Variants in FAHD2A observed in about 807,000 individuals in gnomAD.
The protein encoded by FAHD2A is fumarylacetoacetate hydrolase domain containing 2A, also known as oxaloacetate tautomerase FAHD2A, mitochondrial.
FAHD2A carries 27 observed loss-of-function variants against 33.4 expected under a neutral mutation model. The ratio of observed to expected loss-of-function variants is 0.81; its 90% CI spans 0.60 to 1.11. The LOEUF (loss-of-function observed/expected upper bound fraction) is 1.11. FAHD2A is among the 50% of genes most tolerant of loss of function. The pLI, the probability that FAHD2A is intolerant of heterozygous loss-of-function variation, is 0.00. For missense variants in FAHD2A, 296 were observed against 395.0 expected (o/e 0.75, Z 2.12); for synonymous variants, 130 against 153.3 (o/e 0.85, Z 1.12).
Position 95,413,136 on chromosome 2 carries a change from T to G in FAHD2A, c.*179T>G, listed in dbSNP as rs527626799. On this transcript the variant is annotated 3_prime_UTR_variant, in exon 8 of 8. Coordinates refer to ENST00000233379, the MANE Select transcript of FAHD2A (RefSeq NM_016044.3). ...ATTCGTCAGGTCAAAGCAGCAGCTT[T>G]GCTTCTGCTGTTTGTCTTCTTTTGG... 138 of 1,110,756 alleles carry G rather than the reference T, an allele frequency of 1.2e-4. 1 individual carries two copies. The highest frequency in any genetic ancestry group is 3.3e-4 in the Admixed American group (12 of 36,462). 68.8% of individuals were successfully genotyped at this position (1,110,756 alleles called of 1,614,324 possible). A position where few individuals can be genotyped will look rare whatever the true frequency, so the allele number is the denominator to read the frequency against.
Position 95,414,335 on chromosome 2 carries a change from T to C in FAHD2A, c.*1378T>C. ...GAAAAAGAAGACATCAAAAAGAAAA[T>C]CTAGTGCTGGGTGGATATAGAGTAT... On this transcript the variant is annotated 3_prime_UTR_variant, in exon 8 of 8. Coordinates refer to ENST00000233379, the MANE Select transcript of FAHD2A (RefSeq NM_016044.3). 1 of 837,474 alleles carries C rather than the reference T, an allele frequency of 1.2e-6. No homozygotes were observed. The highest frequency in any genetic ancestry group is 2.0e-6 in the Non-Finnish European group (1 of 491,226). The allele number at this position is 837,474 out of a possible 1,614,324, so 51.9% of individuals were successfully genotyped here.
In FAHD2A at chr2:95,405,574, A is replaced by G. The variant is rs1316523321; in HGVS notation, c.16A>G (p.Arg6Gly). The change falls in exon 2 of 8, where the codon AGA becomes GGA. Residue 6 changes from arginine to glycine, a missense_variant. Arg to Gly is a moderately radical substitution (Grantham distance 125, BLOSUM62 -2). Coordinates refer to ENST00000233379, the MANE Select transcript of FAHD2A (RefSeq NM_016044.3). ...GCAGGCTCTGATGCTGGTGTCTGGT[A>G]GAAGAAGGTTACTCACAGTTCTGCT... MLVSG[R>G]RRLLTVLLQA... 1.2e-6 allele frequency: 2 copies of G among 1,612,168 alleles called. No homozygotes were observed. The highest frequency in any genetic ancestry group is 2.2e-5 in the South Asian group (2 of 91,044).
At chr2:95,418,593 G>GAGGTT (rs1273645571), downstream of FAHD2A, among the ~76,000 whole-genome samples, 2 of 152,092 alleles carry the variant, frequency 1.3e-5, no homozygotes, top group East Asian at 3.9e-4. Flanking sequence ...ACCGGGATGT[G>GAGGTT]AGGTTAGTAG....
intron 1 of FAHD2A, 162 bp from the exon 2 acceptor site, chr2:95,405,391 G>A: frequency 9.4e-7 from 1 of 1,063,702 alleles, no homozygotes; most frequent in Admixed American, 3.0e-5. Context: ...TTCACCTTAT[G>A]AAGTATAGCA....
At position 95,413,946 on chromosome 2, in the gene FAHD2A, C is replaced by G. The variant is rs926761082; in HGVS notation, c.*989C>G. On this transcript the variant is annotated 3_prime_UTR_variant, in exon 8 of 8. Coordinates refer to ENST00000233379, the MANE Select transcript of FAHD2A (RefSeq NM_016044.3). ...AGCAGGGGGACAGAAGATGGTGACA[C>G]TGGCTCCTCTCACCCCTAGGTCTCT... 49 of 1,275,824 alleles carry G rather than the reference C, an allele frequency of 3.8e-5. No homozygotes were observed. The highest frequency in any genetic ancestry group is 4.7e-5 in the Non-Finnish European group (41 of 873,112). The allele number at this position is 1,275,824 out of a possible 1,614,324, so 79.0% of individuals were successfully genotyped here. A position where few individuals can be genotyped will look rare whatever the true frequency, so the allele number is the denominator to read the frequency against.
At chr2:95,412,612 C>G in intron 6 of FAHD2A, 65 bp from the exon 7 acceptor site, 14 of 1,613,560 alleles carry the variant, frequency 8.7e-6, no homozygotes, top group Non-Finnish European at 1.2e-5. Flanking sequence ...CCTGAGCCCT[C>G]CATCTTTGGC....
chr2:95,418,364 G>T (rs1280492036), downstream of FAHD2A, among the ~76,000 whole-genome samples: 1 of 151,946 alleles, frequency 6.6e-6, no homozygotes, highest in African/African-American at 2.4e-5. Flanking sequence ...TCAGGAAACA[G>T]GCCAGAGAGA....
Position 95,413,038 on chromosome 2 carries a change from G to A in FAHD2A, c.*81G>A. The stretch of plus-strand genomic sequence containing the variant: ...AGCCCAGGGAAAGGCCCAGTGACAG[G>A]TGTGGACAGGTGCCAGCCCTGCAAG... On this transcript the variant is annotated 3_prime_UTR_variant, in exon 8 of 8. Coordinates refer to ENST00000233379, the MANE Select transcript of FAHD2A (RefSeq NM_016044.3). 6.6e-7 allele frequency: 1 copy of A among 1,519,648 alleles called. No individual in the cohort carries two copies. Among genetic ancestry groups the A allele is most frequent in the South Asian group, 1.2e-5 (1 of 83,190 alleles). The allele number at this position is 1,519,648 out of a possible 1,614,324, so 94.1% of individuals were successfully genotyped here.
rs1682813208 is a variant in FAHD2A, at chr2:95,413,201, T to TG, written c.*248dup. On this transcript the variant is annotated 3_prime_UTR_variant, in exon 8 of 8. Transcript: ENST00000233379. The stretch of plus-strand genomic sequence containing the variant: ...GACAAGTTGGGGCATTTTGTGGGAC[T>TG]GGGGAAGAAGAGAGCAAATACACAC... 2 of 1,062,008 alleles carry TG rather than the reference T, an allele frequency of 1.9e-6. No individual in the cohort carries two copies. The highest frequency in any genetic ancestry group is 3.4e-5 in the South Asian group (2 of 59,202). 65.8% of individuals were successfully genotyped at this position (1,062,008 alleles called of 1,614,324 possible).
Position 95,413,944 on chromosome 2 carries a change from C to T in FAHD2A, c.*987C>T, listed in dbSNP as rs1682905393. ...GGAGCAGGGGGACAGAAGATGGTGA[C>T]ACTGGCTCCTCTCACCCCTAGGTCT... On this transcript the variant is annotated 3_prime_UTR_variant, in exon 8 of 8. Transcript: ENST00000233379. 1.6e-6 allele frequency: 2 copies of T among 1,259,492 alleles called. No individual in the cohort carries two copies. The highest frequency in any genetic ancestry group is 1.5e-5 in the African/African-American group (1 of 67,744). The allele number at this position is 1,259,492 out of a possible 1,614,324, so 78.0% of individuals were successfully genotyped here.
At position 95,413,980 on chromosome 2, in the gene FAHD2A, A is replaced by G. The variant is rs1451060827; in HGVS notation, c.*1023A>G. On this transcript the variant is annotated 3_prime_UTR_variant, in exon 8 of 8. Coordinates refer to ENST00000233379, the MANE Select transcript of FAHD2A (RefSeq NM_016044.3). ...CTCACCCCTAGGTCTCTGAAGGTCC[A>G]GATAGCACTGATGGCAAGCTTTGGG... 12 of 1,409,166 alleles carry G rather than the reference A, an allele frequency of 8.5e-6. No individual in the cohort carries two copies. Among genetic ancestry groups the G allele is most frequent in the East Asian group, 2.3e-5 (1 of 43,790 alleles). 87.3% of individuals were successfully genotyped at this position (1,409,166 alleles called of 1,614,324 possible). A position where few individuals can be genotyped will look rare whatever the true frequency, so the allele number is the denominator to read the frequency against.
chr2:95,408,694 C>A (rs967326025), intron 3 of FAHD2A, among the ~76,000 whole-genome samples: 3 of 152,194 alleles, frequency 2.0e-5, no homozygotes, highest in Admixed American at 2.0e-4. Flanking sequence ...CCACCGGGTC[C>A]GTCCCATAGC....
downstream of FAHD2A, among the ~76,000 whole-genome samples, chr2:95,419,671 T>A (rs186826170): frequency 4.6e-5 from 7 of 152,134 alleles, no homozygotes; most frequent in Non-Finnish European, 7.3e-5. Context: ...AGTGGCAACT[T>A]CACACCAAGC....
At chr2:95,402,937 C>G (rs1680956698) in intron 1 of FAHD2A, 65 bp downstream of exon 1, 2 of 152,438 alleles carry the variant, frequency 1.3e-5, no homozygotes, top group Admixed American at 6.5e-5. Flanking sequence ...CCGCGGAGCG[C>G]AGAACTAGTA....
rs561420965 is a variant in FAHD2A, at chr2:95,407,105, C to G, written c.410C>G (p.Ala137Gly). Residue 137 changes from alanine (A) to glycine (G), a missense_variant, in exon 3 of 8, where the codon GCC becomes GGC. Transcript: ENST00000233379. ...GAGCCCATCATCTTCAGCAAGTTTGCCAGCTCCATCGTGGGGCCCTATGAT... is the reference window on the plus strand; with the variant it reads ...GAGCCCATCATCTTCAGCAAGTTTGGCAGCTCCATCGTGGGGCCCTATGAT... ...PKEPIIFSKF[A>G]SSIVGPYDEV... 1.3e-5 allele frequency: 21 copies of G among 1,612,234 alleles called. No homozygotes were observed. The Admixed American group carries it at 2.7e-4, about 20-fold the overall frequency.
At chr2:95,411,809 A>G (rs576808605) in intron 5 of FAHD2A, among the ~76,000 whole-genome samples, 13 of 152,046 alleles carry the variant, frequency 8.6e-5, no homozygotes, top group African/African-American at 2.9e-4. Context: ...TTTTTTTGCC[A>G]TGGTCTTACT....
intron 5 of FAHD2A, among the ~76,000 whole-genome samples, chr2:95,412,205 C>T (rs1010441678): frequency 1.1e-4 from 16 of 151,952 alleles, no homozygotes; most frequent in African/African-American, 3.9e-4. Flanking sequence ...AACATCCTCT[C>T]AACCCATCCC....
At position 95,413,949 on chromosome 2, in the gene FAHD2A, G is replaced by A; in HGVS notation, c.*992G>A. 1 of 1,289,636 alleles carries A rather than the reference G, an allele frequency of 7.8e-7. No individual in the cohort carries two copies. The highest frequency in any genetic ancestry group is 1.1e-6 in the Non-Finnish European group (1 of 885,582). The allele number at this position is 1,289,636 out of a possible 1,614,324, so 79.9% of individuals were successfully genotyped here. The stretch of plus-strand genomic sequence containing the variant: ...AGGGGGACAGAAGATGGTGACACTG[G>A]CTCCTCTCACCCCTAGGTCTCTGAA... On this transcript the variant is annotated 3_prime_UTR_variant, in exon 8 of 8. Transcript: ENST00000233379.
chr2:95,407,316 A>C, intron 3 of FAHD2A, 159 bp downstream of exon 3: 1 of 1,091,438 alleles, frequency 9.2e-7, no homozygotes, highest in Non-Finnish European at 1.3e-6. Flanking sequence ...CTTGGAAAAA[A>C]AAAGTTAATG....
Sources: allele counts gnomAD v4.1 joint callset (sites outside exome capture counted in the v4.1 genomes callset), GRCh38; gene constraint gnomAD v4.1.1; transcripts MANE v1.5; gene names NCBI Gene and HGNC (gene_info 2026-07-23, HGNC 2026-07-21).